The following SCUBE1 variants were observed in gnomAD, a reference collection of about 807,000 sequenced individuals.
The protein encoded by SCUBE1 is signal peptide, CUB and EGF-like domain-containing protein 1.
In SCUBE1, 59 loss-of-function variants were observed where a neutral mutation model predicts 124.4. The observed-to-expected ratio is 0.47, with a 90% confidence interval of 0.38 to 0.59. The LOEUF (loss-of-function observed/expected upper bound fraction) is 0.59, where lower values mean the gene tolerates loss of function less well. SCUBE1 is among the 20% of genes least tolerant of loss of function. SCUBE1 has a pLI of 0.00. For missense variants in SCUBE1, 1,150 were observed against 1,371.2 expected (o/e 0.84, Z 2.55); for synonymous variants, 545 against 550.9 (o/e 0.99, Z 0.15).
chr22:43,259,523 C>A (rs1466139843), intron 5 of SCUBE1, among the ~76,000 whole-genome samples: 1 of 152,204 alleles, frequency 6.6e-6, no homozygotes, highest in African/African-American at 2.4e-5. Flanking sequence ...GGTGGCAACT[C>A]CCAGAGAAGG....
At chr22:43,309,520 A>G (rs977390915) in intron 3 of SCUBE1, among the ~76,000 whole-genome samples, 1 of 152,236 alleles carries the variant, frequency 6.6e-6, no homozygotes, top group African/African-American at 2.4e-5. Flanking sequence ...AATCTTTACG[A>G]AATGAGTGAA....
At chr22:43,243,549 C>T (rs1221447135) in intron 6 of SCUBE1, among the ~76,000 whole-genome samples, 5 of 152,238 alleles carry the variant, frequency 3.3e-5, no homozygotes, top group Non-Finnish European at 1.5e-5. Flanking sequence ...CTGGGAACAG[C>T]TGCAGCCACT....
Position 43,211,035 on chromosome 22 carries a change from A to G in SCUBE1, c.2270T>C (p.Ile757Thr). 6.2e-7 allele frequency: 1 copy of G among 1,614,004 alleles called. No individual in the cohort carries two copies. ...HHYNTTTHRC[I>T]RCPVGTYQPE... is the part of the protein sequence containing the mutation. ...CTGGTAGGTGCCGACGGGGCAGCGG[A>G]TGCAGCGGTGGGTGGTGGTGTTGTA... is the stretch of plus-strand genomic sequence containing the variant. Residue 757 changes from isoleucine to threonine, a missense_variant, in exon 18 of 22, where the codon ATC becomes ACC. Ile to Thr is a moderately conservative substitution (Grantham distance 89). This residue lies in a region of SCUBE1 where 757 missense variants were observed against 840.9 expected (regional missense o/e 0.90). Coordinates refer to ENST00000360835, the MANE Select transcript of SCUBE1 (RefSeq NM_173050.5). The surrounding 1 kb of genome is among the most constrained non-coding windows in gnomAD (Gnocchi z 4.5).
chr22:43,212,738 A>G (rs1377550896), intron 16 of SCUBE1, 146 bp from the exon 17 acceptor site: 1 of 741,286 alleles, frequency 1.3e-6, no homozygotes, highest in East Asian at 2.8e-5. Context: ...CGGGGTGGGG[A>G]AAACGCAGCA....
intron 10 of SCUBE1, among the ~76,000 whole-genome samples, chr22:43,225,566 G>T (rs1922269201): frequency 6.6e-6 from 1 of 151,280 alleles, no homozygotes; most frequent in Admixed American, 6.6e-5. Flanking sequence ...CACAAGGTCA[G>T]GAGGTCGAGA....
intron 6 of SCUBE1, among the ~76,000 whole-genome samples, chr22:43,247,000 C>T (rs984124161): frequency 6.6e-5 from 10 of 152,318 alleles, no homozygotes; most frequent in East Asian, 3.9e-4. Context: ...AGGCACCAGG[C>T]GCTGTTAATC....
intron 4 of SCUBE1, among the ~76,000 whole-genome samples, chr22:43,279,454 A>G (rs1924672499): frequency 6.6e-6 from 1 of 152,230 alleles, no homozygotes; most frequent in Admixed American, 6.5e-5. Flanking sequence ...TACGGTCTGC[A>G]TGATTGTGTC....
At chr22:43,297,176 C>T (rs889575414) in intron 3 of SCUBE1, among the ~76,000 whole-genome samples, 26 of 152,362 alleles carry the variant, frequency 1.7e-4, no homozygotes, top group Admixed American at 1.1e-3. Flanking sequence ...ACTTTTTCCA[C>T]GCCACCTTGC....
intron 2 of SCUBE1, among the ~76,000 whole-genome samples, chr22:43,328,866 T>C (rs1926812974): frequency 6.6e-6 from 1 of 152,110 alleles, no homozygotes; most frequent in Admixed American, 6.5e-5. Flanking sequence ...GGCAGAAAGG[T>C]CTTCATTTCC....
intron 9 of SCUBE1, among the ~76,000 whole-genome samples, chr22:43,228,109 A>C (rs1450420447): frequency 1.3e-5 from 2 of 152,188 alleles, no homozygotes; most frequent in African/African-American, 4.8e-5. Context: ...AGCACCAGCT[A>C]TGTCCTGATC....
intron 3 of SCUBE1, among the ~76,000 whole-genome samples, chr22:43,293,428 C>G (rs1925444742): frequency 6.6e-6 from 1 of 152,234 alleles, no homozygotes; most frequent in South Asian, 2.1e-4. Flanking sequence ...AGAACACGCG[C>G]CTTTGGCCCC....
rs1023921268 is a variant in SCUBE1, at chr22:43,203,110, C to T, written c.*887G>A. 3 of 152,270 alleles carry T rather than the reference C, an allele frequency of 2.0e-5. No homozygotes were observed. Among genetic ancestry groups the T allele is most frequent in the East Asian group, 3.8e-4 (2 of 5,196 alleles). 9.4% of individuals were successfully genotyped at this position (152,270 alleles called of 1,614,324 possible). A position where few individuals can be genotyped will look rare whatever the true frequency, so the allele number is the denominator to read the frequency against. ...GGGTGAGGCCAACACTCCAGCAGAG[C>T]ATCTGAGCCTAGTTCTCGAAGAATT... is the stretch of plus-strand genomic sequence containing the variant. On this transcript the variant is annotated 3_prime_UTR_variant, in exon 22 of 22. Transcript: ENST00000360835.
Position 43,234,940 on chromosome 22 carries a change from CCT to C in SCUBE1, c.845-3067_845-3066del, listed in dbSNP as rs1221601967. 6.6e-6 allele frequency among the ~76,000 whole-genome samples: 1 copy of C among 152,210 alleles called. No homozygotes were observed. Among genetic ancestry groups the C allele is most frequent in the Non-Finnish European group, 1.5e-5 (1 of 68,032 alleles). On this transcript the variant is annotated intron_variant, in intron 7 of 21. Coordinates refer to ENST00000360835, the MANE Select transcript of SCUBE1 (RefSeq NM_173050.5). This position sits in a 1 kb window ranked among gnomAD's most constrained non-coding sequence, Gnocchi z 4.4. ...CCGCACCCAGTACAGCCACAGCCCC[CCT>C]CTCACCTGCTGACCCCAGCCCTGGG... is the stretch of plus-strand genomic sequence containing the variant.
At chr22:43,321,182 C>T (rs893477898) in intron 2 of SCUBE1, among the ~76,000 whole-genome samples, 1 of 152,208 alleles carries the variant, frequency 6.6e-6, no homozygotes, top group African/African-American at 2.4e-5. Flanking sequence ...CGGGGTCACT[C>T]CCCTATAGTG....
chr22:43,234,917 G>A lies in SCUBE1; in HGVS notation c.845-3042C>T, dbSNP rs898754549. Among the ~76,000 whole-genome samples, 3 of 152,092 alleles carry A rather than the reference G, an allele frequency of 2.0e-5. No individual in the cohort carries two copies. The highest frequency in any genetic ancestry group is 7.2e-5 in the African/African-American group (3 of 41,422). Reference sequence around the variant, plus strand: ...CCTGGCAGCCTGGACTCCAGTGACCGCACCCAGTACAGCCACAGCCCCCCT... The same window carrying A: ...CCTGGCAGCCTGGACTCCAGTGACCACACCCAGTACAGCCACAGCCCCCCT... On this transcript the variant is annotated intron_variant, in intron 7 of 21. Coordinates refer to ENST00000360835, the MANE Select transcript of SCUBE1 (RefSeq NM_173050.5). This position sits in a 1 kb window ranked among gnomAD's most constrained non-coding sequence, Gnocchi z 4.4.
At chr22:43,342,055 C>T (rs1927333872) in intron 1 of SCUBE1, among the ~76,000 whole-genome samples, 1 of 151,938 alleles carries the variant, frequency 6.6e-6, no homozygotes, top group Admixed American at 6.6e-5. Flanking sequence ...CATCCTCACT[C>T]GGGGCACGCG....
intron 4 of SCUBE1, among the ~76,000 whole-genome samples, chr22:43,281,510 C>T (rs371228103): frequency 4.2e-5 from 3 of 70,618 alleles, no homozygotes; most frequent in African/African-American, 2.2e-4. Context: ...GTCACCTCCT[C>T]CTCAGCCACC....
chr22:43,331,993 T>C (rs1926918311), intron 2 of SCUBE1, among the ~76,000 whole-genome samples: 1 of 152,030 alleles, frequency 6.6e-6, no homozygotes, highest in Non-Finnish European at 1.5e-5. Context: ...TGGGGAGGGA[T>C]GGATAAAAAA....
intron 4 of SCUBE1, among the ~76,000 whole-genome samples, chr22:43,288,156 G>A (rs934814198): frequency 1.3e-5 from 2 of 152,166 alleles, no homozygotes; most frequent in Non-Finnish European, 2.9e-5. Context: ...TAACCGACAC[G>A]CTGGTTAATG....
Sources: gnomAD v4.1 joint callset for allele counts (sites outside exome capture counted in the v4.1 genomes callset) on GRCh38, gnomAD v4.1.1 for gene constraint, gnomAD v4.1.1 regional missense constraint, Gnocchi (gnomAD v3.1) non-coding constraint, MANE v1.5 for transcripts, NCBI Gene and HGNC (gene_info 2026-07-23, HGNC 2026-07-21) for gene names.